Variants in CSNK2A2IP observed in about 807,000 individuals in gnomAD.
CSNK2A2IP encodes casein kinase 2 subunit alpha' interacting protein, also known as casein kinase II subunit alpha'-interacting protein.
chr3:88,339,090 A>G, the CSNK2A2IP span, among the ~76,000 whole-genome samples: 1 of 152,060 alleles, frequency 6.6e-6, no homozygotes, highest in Non-Finnish European at 1.5e-5. Context: ...AATTATTTAA[A>G]AATACACATT....
At chr3:88,423,127 A>G in the CSNK2A2IP span, among the ~76,000 whole-genome samples, 4 of 152,196 alleles carry the variant, frequency 2.6e-5, no homozygotes, top group Admixed American at 2.6e-4. Context: ...TGTTATGTCC[A>G]GATTTCTATT....
At chr3:88,355,542 G>T in the CSNK2A2IP span, among the ~76,000 whole-genome samples, 1 of 152,064 alleles carries the variant, frequency 6.6e-6, no homozygotes. Context: ...ACAGACTTCT[G>T]TACATTTTCC....
chr3:88,451,176 TA>T, the CSNK2A2IP span, among the ~76,000 whole-genome samples: 1 of 152,054 alleles, frequency 6.6e-6, no homozygotes, highest in African/African-American at 2.4e-5. Flanking sequence ...TATTCAGTCC[TA>T]AAAAAGGGGG....
the CSNK2A2IP span, among the ~76,000 whole-genome samples, chr3:88,454,954 A>T: frequency 6.6e-6 from 1 of 151,734 alleles, no homozygotes; most frequent in Non-Finnish European, 1.5e-5. Flanking sequence ...ACCTTTTATT[A>T]GGTTTCACAT....
the CSNK2A2IP span, among the ~76,000 whole-genome samples, chr3:88,457,718 A>AATAAAATAAG: frequency 6.8e-6 from 1 of 147,612 alleles, no homozygotes; most frequent in African/African-American, 2.4e-5. Context: ...AATAAAATAA[A>AATAAAATAAG]ATAAAATAAA....
chr3:88,466,896 C>A, the CSNK2A2IP span: 2 of 1,226,886 alleles, frequency 1.6e-6, no homozygotes, highest in East Asian at 6.3e-5. Flanking sequence ...ATTCTGAGGG[C>A]AAAATAGAAG....
the CSNK2A2IP span, among the ~76,000 whole-genome samples, chr3:88,361,977 G>A: frequency 6.6e-6 from 1 of 151,994 alleles, no homozygotes; most frequent in African/African-American, 2.4e-5. Flanking sequence ...TTTTCTGATA[G>A]AGCTCTGAAT....
At chr3:88,418,456 G>A in the CSNK2A2IP span, among the ~76,000 whole-genome samples, 3 of 121,248 alleles carry the variant, frequency 2.5e-5, no homozygotes, top group South Asian at 5.2e-4. Context: ...GTGTGTGTGT[G>A]TGTGTGTGCG....
the CSNK2A2IP span, among the ~76,000 whole-genome samples, chr3:88,375,606 C>A: frequency 6.6e-6 from 1 of 151,598 alleles, no homozygotes; most frequent in African/African-American, 2.4e-5. Context: ...GTAAAATAAC[C>A]TGGAAATAAC....
the CSNK2A2IP span, among the ~76,000 whole-genome samples, chr3:88,464,838 A>T: frequency 6.6e-6 from 1 of 152,176 alleles, no homozygotes; most frequent in Non-Finnish European, 1.5e-5. Context: ...CTGTTAGAAT[A>T]TATATACGTT....
chr3:88,381,730 G>C, the CSNK2A2IP span, among the ~76,000 whole-genome samples: 1 of 152,208 alleles, frequency 6.6e-6, no homozygotes, highest in Non-Finnish European at 1.5e-5. Flanking sequence ...AACGCTGAGA[G>C]ATAATGACAG....
chr3:88,448,930 ATAGTGGTCTTTCTCCTCCTTTGACTGG>A, the CSNK2A2IP span, among the ~76,000 whole-genome samples: 2 of 152,160 alleles, frequency 1.3e-5, no homozygotes, highest in Non-Finnish European at 2.9e-5. Flanking sequence ...TGTTTTTGCA[ATAGTGGTCTTTCTCCTCCTTTGACTGG>A]TAGGTAGCGT....
At chr3:88,437,047 G>A in the CSNK2A2IP span, among the ~76,000 whole-genome samples, 4 of 151,932 alleles carry the variant, frequency 2.6e-5, no homozygotes, top group Non-Finnish European at 4.4e-5. Context: ...ATTCCTATAG[G>A]TGTTTTCTGA....
chr3:88,387,337 AT>A, the CSNK2A2IP span, among the ~76,000 whole-genome samples: 1 of 151,950 alleles, frequency 6.6e-6, no homozygotes, highest in Admixed American at 6.6e-5. Flanking sequence ...CACCCAGCTA[AT>A]TTTTGTATTT....
chr3:88,397,711 G>T, the CSNK2A2IP span, among the ~76,000 whole-genome samples: 3 of 151,752 alleles, frequency 2.0e-5, no homozygotes, highest in Non-Finnish European at 2.9e-5. Flanking sequence ...TAATATTATT[G>T]TGCAAAATCA....
the CSNK2A2IP span, among the ~76,000 whole-genome samples, chr3:88,386,492 G>A: frequency 6.6e-6 from 1 of 152,144 alleles, no homozygotes; most frequent in Admixed American, 6.6e-5. Flanking sequence ...CAGCTTTGAG[G>A]TTTGGTCAGG....
the CSNK2A2IP span, among the ~76,000 whole-genome samples, chr3:88,364,885 CATTT>C: frequency 6.6e-6 from 1 of 152,166 alleles, no homozygotes; most frequent in African/African-American, 2.4e-5. Flanking sequence ...AAATAGCTAA[CATTT>C]ATTTAGCACC....
At chr3:88,426,008 A>G in the CSNK2A2IP span, among the ~76,000 whole-genome samples, 1 of 152,218 alleles carries the variant, frequency 6.6e-6, no homozygotes, top group Admixed American at 6.5e-5. Context: ...AGTTGCTGCA[A>G]AGGAACAAGA....
the CSNK2A2IP span, among the ~76,000 whole-genome samples, chr3:88,388,587 T>C: frequency 6.6e-6 from 1 of 152,224 alleles, no homozygotes; most frequent in East Asian, 1.9e-4. Flanking sequence ...GGATAGAGAA[T>C]ATAAATGCAT....
Sources: allele counts gnomAD v4.1 joint callset (sites outside exome capture counted in the v4.1 genomes callset), GRCh38; gene constraint gnomAD v4.1.1; transcripts MANE v1.5; gene names NCBI Gene and HGNC (gene_info 2026-07-23, HGNC 2026-07-21).